ADAMTSL1: variants seen among roughly 807,000 people sequenced by gnomAD.
ADAMTSL1 encodes ADAMTS like 1, also known as ADAMTS-like protein 1.
Under a neutral mutation model 201.8 loss-of-function variants are expected in ADAMTSL1, and 126 were observed. The observed-to-expected ratio is 0.62, with a 90% confidence interval of 0.54 to 0.72. The LOEUF is 0.72. ADAMTSL1 is among the 30% of genes least tolerant of loss of function. The probability of loss-of-function intolerance (pLI) is 0.00; values close to 1 mark genes in which losing one functional copy is unlikely to be tolerated. For missense variants in ADAMTSL1, 2,679 were observed against 2,277.8 expected (o/e 1.18, Z -3.59); for synonymous variants, 1,121 against 903.4 (o/e 1.24, Z -4.32).
At chr9:18,661,788 G>A (rs766559930) in intron 8 of ADAMTSL1, 147 bp from the exon 9 acceptor site, 3 of 810,194 alleles carry the variant, frequency 3.7e-6, no homozygotes, top group Non-Finnish European at 5.5e-6. Flanking sequence ...AAAAATTAAT[G>A]AGCCTTCCAA....
intron 1 of ADAMTSL1, among the ~76,000 whole-genome samples, chr9:18,074,322 T>G (rs948054583): frequency 6.6e-6 from 1 of 152,112 alleles, no homozygotes; most frequent in Non-Finnish European, 1.5e-5. Flanking sequence ...TGCCAAAAGA[T>G]GGAGTGCATA....
chr9:18,401,323 A>G (rs562269318), intron 2 of ADAMTSL1, among the ~76,000 whole-genome samples: 3 of 152,270 alleles, frequency 2.0e-5, no homozygotes, highest in Admixed American at 6.5e-5. Flanking sequence ...TCTCTATTGC[A>G]TGGCTTCTGG....
intron 23 of ADAMTSL1, among the ~76,000 whole-genome samples, chr9:18,842,128 T>C (rs377152989): frequency 8.5e-5 from 13 of 152,170 alleles, no homozygotes; most frequent in Admixed American, 6.5e-4. Flanking sequence ...AATTGTGATG[T>C]TAGGGTGTCA....
chr9:18,555,028 C>G (rs1821023695), intron 3 of ADAMTSL1, among the ~76,000 whole-genome samples: 1 of 151,842 alleles, frequency 6.6e-6, no homozygotes, highest in Admixed American at 6.6e-5. Context: ...ACCTGTTCAT[C>G]CTCACCTCCC....
intron 1 of ADAMTSL1, among the ~76,000 whole-genome samples, chr9:18,083,171 C>G (rs1823588248): frequency 6.6e-6 from 1 of 152,112 alleles, no homozygotes; most frequent in Non-Finnish European, 1.5e-5. Flanking sequence ...AGTTTGGCTA[C>G]TATTGAAGGC....
intron 10 of ADAMTSL1, among the ~76,000 whole-genome samples, chr9:18,676,403 A>G (rs574155065): frequency 6.6e-4 from 100 of 152,204 alleles, no homozygotes; most frequent in African/African-American, 2.3e-3. Flanking sequence ...ATAAAAGGCA[A>G]TTTTTTAATA....
intron 23 of ADAMTSL1, among the ~76,000 whole-genome samples, chr9:18,854,557 T>A (rs964441155): frequency 6.6e-6 from 1 of 152,156 alleles, no homozygotes; most frequent in Non-Finnish European, 1.5e-5. Flanking sequence ...AAATTTTGAA[T>A]CAAGTTTATT....
intron 2 of ADAMTSL1, among the ~76,000 whole-genome samples, chr9:18,412,074 TG>T (rs1851551120): frequency 6.6e-6 from 1 of 152,218 alleles, no homozygotes; most frequent in Admixed American, 6.5e-5. Context: ...CTGGGTCATT[TG>T]TCCTAGAATA....
intron 4 of ADAMTSL1, among the ~76,000 whole-genome samples, chr9:18,589,715 T>C (rs1386368716): frequency 6.6e-6 from 1 of 152,202 alleles, no homozygotes. Flanking sequence ...TTGTCATTTA[T>C]GACCTTTGTC....
At chr9:18,438,518 C>A (rs1488430657) in intron 2 of ADAMTSL1, among the ~76,000 whole-genome samples, 3 of 152,132 alleles carry the variant, frequency 2.0e-5, no homozygotes, top group Non-Finnish European at 2.9e-5. Flanking sequence ...ATTTTGGAAC[C>A]AAGGCTGGCT....
At chr9:18,074,561 C>CTTTTTTTTT (rs138619215) in intron 1 of ADAMTSL1, among the ~76,000 whole-genome samples, 2 of 131,380 alleles carry the variant, frequency 1.5e-5, no homozygotes, top group South Asian at 2.6e-4. Flanking sequence ...CTTCTCTTTT[C>CTTTTTTTTT]TTTTTTTTTT....
At chr9:18,519,932 T>A (rs1377157282) in intron 2 of ADAMTSL1, among the ~76,000 whole-genome samples, 1 of 152,216 alleles carries the variant, frequency 6.6e-6, no homozygotes, top group Admixed American at 6.5e-5. Flanking sequence ...CTCATTTTCA[T>A]AACTGCAGCC....
intron 1 of ADAMTSL1, among the ~76,000 whole-genome samples, chr9:18,151,970 C>T (rs778648804): frequency 1.3e-5 from 2 of 152,044 alleles, no homozygotes; most frequent in Non-Finnish European, 2.9e-5. Flanking sequence ...AGTGGACATG[C>T]TCTACTAGCT....
chr9:18,522,366 A>G (rs2132036427), intron 2 of ADAMTSL1, among the ~76,000 whole-genome samples: 1 of 152,254 alleles, frequency 6.6e-6, no homozygotes, highest in East Asian at 1.9e-4. Flanking sequence ...GTACACTTGC[A>G]CTTGTTTCTC....
At chr9:18,498,061 T>C (rs554477710) in intron 1 of ADAMTSL1, among the ~76,000 whole-genome samples, 1 of 152,290 alleles carries the variant, frequency 6.6e-6, no homozygotes, top group African/African-American at 2.4e-5. Flanking sequence ...TTCATTGTCA[T>C]TTTATACAAA....
chr9:17,927,588 C>G (rs907091700), intron 1 of ADAMTSL1, among the ~76,000 whole-genome samples: 79 of 151,946 alleles, frequency 5.2e-4, no homozygotes, highest in Non-Finnish European at 8.1e-4. Context: ...CAATAAAAAA[C>G]AGATGGTTGC....
At position 17,956,282 on chromosome 9, in the gene ADAMTSL1, C is replaced by T. The variant is rs141196039; in HGVS notation, c.87+49360C>T. Among the ~76,000 whole-genome samples, 252 of 152,236 alleles carry T rather than the reference C, an allele frequency of 1.7e-3. 1 individual carries two copies. The highest frequency in any genetic ancestry group is 5.3e-3 in the African/African-American group (220 of 41,542). On this transcript the variant is annotated intron_variant, in intron 1 of 29. Coordinates refer to the ADAMTSL1 transcript ENST00000680146. ...TCTTAGTCTCGTGATCAATTACCTA[C>T]ATGCAAAGAATAGTTTGAACACTGA...
chr9:17,927,424 G>T (rs180832308), intron 1 of ADAMTSL1, among the ~76,000 whole-genome samples: 33 of 151,716 alleles, frequency 2.2e-4, no homozygotes, highest in Non-Finnish European at 3.7e-4. Flanking sequence ...GTATATACAT[G>T]TATACATATA....
intron 2 of ADAMTSL1, among the ~76,000 whole-genome samples, chr9:18,413,887 T>A (rs1050450423): frequency 2.0e-5 from 3 of 152,208 alleles, no homozygotes; most frequent in African/African-American, 7.2e-5. Context: ...TATGATATCC[T>A]GGCTAAATTT....
Sources: allele counts gnomAD v4.1 joint callset (sites outside exome capture counted in the v4.1 genomes callset), GRCh38; gene constraint gnomAD v4.1.1; transcripts MANE v1.5; gene names NCBI Gene and HGNC (gene_info 2026-07-23, HGNC 2026-07-21).